TROAP: variants seen among roughly 807,000 people sequenced by gnomAD.
TROAP encodes trophinin associated protein.
A neutral mutation model predicts 83.4 loss-of-function variants in TROAP; 62 were observed. That is an observed-to-expected ratio of 0.74 (90% CI 0.61 to 0.92). The LOEUF (loss-of-function observed/expected upper bound fraction) is 0.92. Ranked by LOEUF, TROAP falls within the 40% of genes least tolerant of loss-of-function variation. The pLI is 0.00. For synonymous variants in TROAP, 352 were observed against 386.4 expected, an observed-to-expected ratio of 0.91 and a Z score of 1.04; for missense variants, 876 against 985.1, an observed-to-expected ratio of 0.89 and a Z score of 1.48.
chr12:49,327,107 G>C, intron 7 of TROAP, 102 bp from the exon 8 acceptor site: 1 of 1,420,830 alleles, frequency 7.0e-7, no homozygotes, highest in Non-Finnish European at 9.8e-7. Context: ...TAGTGCAATG[G>C]GGCCTATTAA....
rs1319203158 is a variant in TROAP, at chr12:49,326,178, G to C, written c.716+20G>C. ...CAGCCGGTGAGAAAGGAGAGGGTGT[G>C]GGAGAAGGTCATCTGGAAAAGAATG... On this transcript the variant is annotated intron_variant, in intron 6 of 14. Coordinates refer to ENST00000257909, the MANE Select transcript of TROAP (RefSeq NM_005480.4). 3.1e-6 allele frequency: 5 copies of C among 1,610,962 alleles called. No individual in the cohort carries two copies. The highest frequency in any genetic ancestry group is 4.2e-6 in the Non-Finnish European group (5 of 1,177,554).
chr12:49,325,345 T>C (rs551819500), intron 3 of TROAP, 156 bp from the exon 4 acceptor site: 1 of 757,134 alleles, frequency 1.3e-6, no homozygotes, highest in East Asian at 2.9e-5. Flanking sequence ...CATGAGCCAC[T>C]GCACCCAGCC....
intron 1 of TROAP, 57 bp from the exon 2 acceptor site, chr12:49,323,547 A>T: frequency 2.5e-6 from 4 of 1,584,690 alleles, no homozygotes; most frequent in Non-Finnish European, 2.6e-6. Flanking sequence ...GTGCCCCGAG[A>T]ACTGGTTGAT....
At chr12:49,331,085 AG>A in intron 13 of TROAP, 128 bp from the exon 14 acceptor site, 1 of 1,529,778 alleles carries the variant, frequency 6.5e-7, no homozygotes, top group East Asian at 2.3e-5. Context: ...CCTCAGGAAG[AG>A]GGGAGGGGCT....
chr12:49,323,464 AG>A, intron 1 of TROAP, 115 bp downstream of exon 1: 1 of 1,140,708 alleles, frequency 8.8e-7, no homozygotes, highest in Non-Finnish European at 1.2e-6. Context: ...AGCACCCATA[AG>A]AGCGGTCTTG....
Position 49,325,629 on chromosome 12 carries a change from A to G in TROAP, c.466A>G (p.Ser156Gly). The change falls in exon 4 of 15, where the codon AGT becomes GGT. Residue 156 changes from serine (S) to glycine (G), a missense_variant. Physicochemically the swap from Ser to Gly is moderately conservative, Grantham distance 56. This residue lies in a region of TROAP where 689 missense variants were observed against 722.6 expected (regional missense o/e 0.95). Coordinates refer to ENST00000257909, the MANE Select transcript of TROAP (RefSeq NM_005480.4). ...SLAKRVLVRG[S>G]QGGTTQRVQG... The stretch of plus-strand genomic sequence containing the variant: ...GGCTAAAAGAGTACTGGTTCGAGGA[A>G]GTCAGGGAGGCACCACCCAGAGGGT... 3 of 1,613,772 alleles carry G rather than the reference A, an allele frequency of 1.9e-6. No individual in the cohort carries two copies. The highest frequency in any genetic ancestry group is 2.5e-6 in the Non-Finnish European group (3 of 1,179,990).
Position 49,330,968 on chromosome 12 carries a change from G to A in TROAP, c.2098+25G>A, listed in dbSNP as rs781602008. The A allele has an allele frequency of 2.5e-6, 4 of 1,606,886 alleles. No individual in the cohort carries two copies. In the South Asian group the frequency reaches 3.3e-5, roughly 13 times the overall value. ...GGTAAGGAGTTGGCTGGGAAGGAGT[G>A]TGAACACAAGAGGTCCTCACCTCAC... is the stretch of plus-strand genomic sequence containing the variant. On this transcript the variant is annotated intron_variant, in intron 13 of 14. Transcript: ENST00000257909.
chr12:49,329,573 C>G lies in TROAP; in HGVS notation c.1164+119C>G, dbSNP rs918553915. ...AGGCATGGTGGCTCACACCTGTAAT[C>G]CCAGCACTTTGGGAGGCTGAGGTAG... is the stretch of plus-strand genomic sequence containing the variant. On this transcript the variant is annotated intron_variant, in intron 11 of 14. Transcript: ENST00000257909. The surrounding 1 kb of genome is among the most constrained non-coding windows in gnomAD (Gnocchi z 4.5). 3.7e-5 allele frequency: 46 copies of G among 1,248,800 alleles called. No homozygotes were observed. The African/African-American group carries it at 6.5e-4, about 18-fold the overall frequency. The allele number at this position is 1,248,800 out of a possible 1,614,324, so 77.4% of individuals were successfully genotyped here. A position where few individuals can be genotyped will look rare whatever the true frequency, so the allele number is the denominator to read the frequency against.
rs758367211 is a variant in TROAP, at chr12:49,323,562, G to T, written c.-5-42G>T. ...GTGCCCCGAGAACTGGTTGATCTTT[G>T]ATCTTAGATTCTGCCTGCCTTCTTC... On this transcript the variant is annotated intron_variant, in intron 1 of 14. Coordinates refer to ENST00000257909, the MANE Select transcript of TROAP (RefSeq NM_005480.4). The T allele has an allele frequency of 1.3e-6, 2 of 1,599,976 alleles. No individual in the cohort carries two copies. Among genetic ancestry groups the T allele is most frequent in the Non-Finnish European group, 1.7e-6 (2 of 1,170,552 alleles).
At position 49,329,764 on chromosome 12, in the gene TROAP, G is replaced by A. The variant is rs1354212300; in HGVS notation, c.1165-93G>A. 3 of 1,531,108 alleles carry A rather than the reference G, an allele frequency of 2.0e-6. No individual in the cohort carries two copies. The highest frequency in any genetic ancestry group is 2.6e-6 in the Non-Finnish European group (3 of 1,135,208). The allele number at this position is 1,531,108 out of a possible 1,614,324, so 94.8% of individuals were successfully genotyped here. A position where few individuals can be genotyped will look rare whatever the true frequency, so the allele number is the denominator to read the frequency against. On this transcript the variant is annotated intron_variant, in intron 11 of 14. Transcript: ENST00000257909. This position sits in a 1 kb window ranked among gnomAD's most constrained non-coding sequence, Gnocchi z 4.5. ...GTACATCTAGGGCCTCTCAGTTAGGGGCTTCAATCCATTCCTCATGAGGGT... is the reference window on the plus strand; with the variant it reads ...GTACATCTAGGGCCTCTCAGTTAGGAGCTTCAATCCATTCCTCATGAGGGT...
Position 49,331,697 on chromosome 12 carries a change from C to T in TROAP, c.*80C>T, listed in dbSNP as rs1405209226. On this transcript the variant is annotated 3_prime_UTR_variant, in exon 15 of 15. Transcript: ENST00000257909. Reference sequence around the variant, plus strand: ...TCGGTCTGCCCATGGGACTGGGAGCCGCCCACTTTTGTCCTCAATAAAGTT... The same window carrying T: ...TCGGTCTGCCCATGGGACTGGGAGCTGCCCACTTTTGTCCTCAATAAAGTT... 7.6e-6 allele frequency: 12 copies of T among 1,579,250 alleles called. No homozygotes were observed. The highest frequency in any genetic ancestry group is 6.7e-5 in the East Asian group (3 of 44,728).
At position 49,328,944 on chromosome 12, in the gene TROAP, C is replaced by G. The variant is rs1383946486; in HGVS notation, c.909C>G (p.His303Gln). ...MSHTRDSHDS[H>Q]LMPSPAPVAQ... ...CTTCACAGGACAGCCATGACTCCCA[C>G]CTGATGCCCTCCCCTGCCCCTGTGG... The change falls in exon 9 of 15, where the codon CAC becomes CAG. Residue 303 changes from histidine to glutamine, a missense_variant. This residue lies in a region of TROAP where 689 missense variants were observed against 722.6 expected (regional missense o/e 0.95). Coordinates refer to ENST00000257909, the MANE Select transcript of TROAP (RefSeq NM_005480.4). 6.3e-7 allele frequency: 1 copy of G among 1,580,830 alleles called. No homozygotes were observed. Among genetic ancestry groups the G allele is most frequent in the South Asian group, 1.2e-5 (1 of 86,402 alleles).
chr12:49,330,509 C>T lies in TROAP; in HGVS notation c.1664C>T (p.Pro555Leu). Residue 555 changes from proline to leucine, a missense_variant, in exon 13 of 15, where the codon CCC becomes CTC. By Grantham distance (98) the Pro-to-Leu change is moderately conservative (BLOSUM62 -3). Coordinates refer to ENST00000257909, the MANE Select transcript of TROAP (RefSeq NM_005480.4). ...CCCTACCCTCCAGCAGAACCCAGGC[C>T]CCTAGAGTCCTGCTGTAGGAGTGAG... ...PEPYPPAEPR[P>L]LESCCRSEPE... The T allele has an allele frequency of 1.9e-6, 3 of 1,613,642 alleles. No homozygotes were observed. Among genetic ancestry groups the T allele is most frequent in the Non-Finnish European group, 8.5e-7 (1 of 1,179,722 alleles).
rs200796406 is a variant in TROAP, at chr12:49,323,815, T to A, written c.145-30T>A. ...CAGTAATGCACCCCAACACTAAACC[T>A]CACCTTTTTGTCCCCGCTCCCTCCC... is the stretch of plus-strand genomic sequence containing the variant. On this transcript the variant is annotated intron_variant, in intron 2 of 14. Coordinates refer to ENST00000257909, the MANE Select transcript of TROAP (RefSeq NM_005480.4). 1.4e-5 allele frequency: 23 copies of A among 1,613,756 alleles called. No homozygotes were observed. In the African/African-American group the frequency reaches 2.8e-4, roughly 20 times the overall value.
chr12:49,329,715 T>A lies in TROAP; in HGVS notation c.1165-142T>A. 1 of 1,311,648 alleles carries A rather than the reference T, an allele frequency of 7.6e-7. No individual in the cohort carries two copies. Among genetic ancestry groups the A allele is most frequent in the South Asian group, 1.4e-5 (1 of 69,660 alleles). 81.3% of individuals were successfully genotyped at this position (1,311,648 alleles called of 1,614,324 possible). On this transcript the variant is annotated intron_variant, in intron 11 of 14. Coordinates refer to ENST00000257909, the MANE Select transcript of TROAP (RefSeq NM_005480.4). The surrounding 1 kb of genome is among the most constrained non-coding windows in gnomAD (Gnocchi z 4.5). ...TCTGGAAAAGCTGCCTAACTCTCAC[T>A]GCTTCTCTGCTGCCCCTCCTAATGT...
rs1455541784 is a variant in TROAP at position 49,328,999 on chromosome 12, T to C, written c.964T>C (p.Cys322Arg). The C allele has an allele frequency of 6.2e-7, 1 of 1,611,150 alleles. No individual in the cohort carries two copies. Among genetic ancestry groups the C allele is most frequent in the South Asian group, 1.1e-5 (1 of 90,676 alleles). ...GCCCTTGCCTGGCCATGTGGTGCCA[T>C]GTCCATCACCCTTTGGACGGGCTCA... ...AQPLPGHVVP[C>R]PSPFGRAQRV... is the part of the protein sequence containing the mutation. The change falls in exon 9 of 15, where the codon TGT becomes CGT. Residue 322 changes from cysteine (C) to arginine (R), a missense_variant. Cys to Arg is a radical substitution (Grantham distance 180, BLOSUM62 -3). Coordinates refer to ENST00000257909, the MANE Select transcript of TROAP (RefSeq NM_005480.4).
In TROAP at chr12:49,329,480, T is replaced by G; in HGVS notation, c.1164+26T>G. The stretch of plus-strand genomic sequence containing the variant: ...GTAAGTATCAGAAGCTTCCCCCTAC[T>G]GAGATCCCTTGCCCTGTGCTGCCAG... On this transcript the variant is annotated intron_variant, in intron 11 of 14. Coordinates refer to ENST00000257909, the MANE Select transcript of TROAP (RefSeq NM_005480.4). The surrounding 1 kb of genome is among the most constrained non-coding windows in gnomAD (Gnocchi z 4.5). 6.3e-7 allele frequency: 1 copy of G among 1,591,390 alleles called. No individual in the cohort carries two copies. Among genetic ancestry groups the G allele is most frequent in the Non-Finnish European group, 8.6e-7 (1 of 1,168,942 alleles).
chr12:49,327,983 TA>T (rs1297636962), intron 8 of TROAP, among the ~76,000 whole-genome samples: 1 of 151,578 alleles, frequency 6.6e-6, no homozygotes, highest in Admixed American at 6.6e-5. Context: ...ACTGAAGAGG[TA>T]AAGGCCCTGG....
At position 49,323,753 on chromosome 12, in the gene TROAP, G is replaced by C; in HGVS notation, c.144+1G>C. ...GGACCAGGAGAACCAAGATCCAAGG[G>C]TAAGAGGGGCCTAATGGGGGAAGAC... On this transcript the variant is annotated splice_donor_variant, in intron 2 of 14. Transcript: ENST00000257909. LOFTEE classifies it high-confidence loss of function. 1 of 1,614,094 alleles carries C rather than the reference G, an allele frequency of 6.2e-7. No homozygotes were observed. Among genetic ancestry groups the C allele is most frequent in the Non-Finnish European group, 8.5e-7 (1 of 1,180,002 alleles).
Sources: allele counts gnomAD v4.1 joint callset (sites outside exome capture counted in the v4.1 genomes callset), GRCh38; gene constraint gnomAD v4.1.1; regional missense constraint gnomAD v4.1.1; non-coding constraint Gnocchi (gnomAD v3.1); transcripts MANE v1.5; gene names NCBI Gene and HGNC (gene_info 2026-07-23, HGNC 2026-07-21).